CDC14A: variants seen among roughly 807,000 people sequenced by gnomAD.
CDC14A encodes the protein cell division cycle 14A.
A neutral mutation model predicts 74.4 loss-of-function variants in CDC14A; 53 were observed. The ratio of observed to expected loss-of-function variants is 0.71; its 90% CI spans 0.57 to 0.89. CDC14A has a LOEUF of 0.89. CDC14A is among the 40% of genes least tolerant of loss of function. CDC14A has a pLI of 0.00. For synonymous variants in CDC14A, 247 were observed against 258.4 expected (o/e 0.96, Z 0.43); for missense variants, 646 against 713.7 (o/e 0.91, Z 1.08).
At chr1:100,413,022 G>A (rs1002619848) in intron 4 of CDC14A, among the ~76,000 whole-genome samples, 1 of 150,930 alleles carries the variant, frequency 6.6e-6, no homozygotes, top group African/African-American at 2.4e-5. Context: ...GTGCCACTGC[G>A]CTCCAGCCTG....
At chr1:100,517,126 C>T (rs1404441753) in intron 15 of CDC14A, among the ~76,000 whole-genome samples, 1 of 152,214 alleles carries the variant, frequency 6.6e-6, no homozygotes, top group Non-Finnish European at 1.5e-5. Context: ...ACTGTGTTAA[C>T]AGGGACTTAC....
chr1:100,353,010 AGCAGCCGCCCC>A lies in CDC14A; in HGVS notation c.49+11_49+21del. ...GCTTGTGAGTTCATGAAAGGTGAGG[AGCAGCCGCCCC>A]GCATCTTCCAACGCTTTCTTGCCCC... On this transcript the variant is annotated splice_region_variant and intron_variant, in intron 1 of 15. Transcript: ENST00000336454. 1 of 1,613,992 alleles carries A rather than the reference AGCAGCCGCCCC, an allele frequency of 6.2e-7. No individual in the cohort carries two copies. Among genetic ancestry groups the A allele is most frequent in the Non-Finnish European group, 8.5e-7 (1 of 1,179,906 alleles).
intron 4 of CDC14A, chr1:100,391,195 G>A (rs1040799861): frequency 5.0e-5 from 13 of 259,370 alleles, no homozygotes; most frequent in Middle Eastern, 1.4e-3. Flanking sequence ...AAGACTTGAC[G>A]TGTTCGTTTT....
In CDC14A at chr1:100,502,635, A is replaced by G. The variant is rs1267990241; in HGVS notation, c.1755+3373A>G. Among the ~76,000 whole-genome samples the G allele has an allele frequency of 3.9e-5, 6 of 152,270 alleles. No homozygotes were observed. The East Asian group carries it at 9.6e-4, about 24-fold the overall frequency. ...CATACGTAAAGGTATTGTGTAATCC[A>G]CATTTATAGCTGAATGCCAGTAGCA... On this transcript the variant is annotated intron_variant, in intron 15 of 15. Transcript: ENST00000336454.
intron 7 of CDC14A, among the ~76,000 whole-genome samples, chr1:100,453,854 G>A (rs997835621): frequency 6.6e-6 from 1 of 152,104 alleles, no homozygotes; most frequent in African/African-American, 2.4e-5. Context: ...GTTGCCCTGG[G>A]TGGTCTTGCA....
intron 4 of CDC14A, among the ~76,000 whole-genome samples, chr1:100,417,693 C>T (rs1661711043): frequency 6.6e-6 from 1 of 152,178 alleles, no homozygotes; most frequent in South Asian, 2.1e-4. Flanking sequence ...TGCTTTCATA[C>T]AACTGGGCTG....
intron 7 of CDC14A, among the ~76,000 whole-genome samples, chr1:100,453,210 A>G (rs2101171563): frequency 6.6e-6 from 1 of 152,312 alleles, no homozygotes; most frequent in Middle Eastern, 3.4e-3. Flanking sequence ...AATGTATCTT[A>G]GGGATCCCCT....
chr1:100,356,927 G>T (rs1452591706), intron 2 of CDC14A, among the ~76,000 whole-genome samples: 3 of 151,648 alleles, frequency 2.0e-5, no homozygotes, highest in African/African-American at 4.9e-5. Context: ...TGGTGACAAT[G>T]GTGATGGAAA....
At chr1:100,422,147 G>C (rs1279343117) in intron 4 of CDC14A, among the ~76,000 whole-genome samples, 1 of 152,152 alleles carries the variant, frequency 6.6e-6, no homozygotes, top group Admixed American at 6.6e-5. Flanking sequence ...TAAAAACAAA[G>C]GGTCTCATCT....
chr1:100,382,524 C>T (rs1371540887), intron 3 of CDC14A, among the ~76,000 whole-genome samples: 1 of 151,540 alleles, frequency 6.6e-6, no homozygotes, highest in Non-Finnish European at 1.5e-5. Flanking sequence ...AGGCATGAGC[C>T]ACTGTGCTTG....
upstream of CDC14A, chr1:100,351,775 C>A (rs1335335487): frequency 6.4e-7 from 1 of 1,550,552 alleles, no homozygotes; most frequent in South Asian, 1.2e-5. Flanking sequence ...CTTTTTGTCC[C>A]GTGAGAACAA....
At position 100,473,862 on chromosome 1, in the gene CDC14A, C is replaced by T. The variant is rs564409443; in HGVS notation, c.977+5768C>T. ...TGTTTCCTTTTCTTCCCTTGTTGGA[C>T]AGGCTAAAACTTCCAGCGCTGTGAT... On this transcript the variant is annotated intron_variant, in intron 10 of 15. Coordinates refer to ENST00000336454, the MANE Select transcript of CDC14A (RefSeq NM_003672.4). Among the ~76,000 whole-genome samples the T allele has an allele frequency of 3.9e-5, 6 of 152,252 alleles. No homozygotes were observed. The South Asian group carries it at 1.2e-3, about 32-fold the overall frequency.
At chr1:100,499,600 C>A in intron 15 of CDC14A, 1 of 606,112 alleles carries the variant, frequency 1.6e-6, no homozygotes, top group Non-Finnish European at 2.6e-6. Context: ...TTTCCAATCA[C>A]TCTGAATATC....
chr1:100,420,063 C>CACACACACACACATATATATATATAT, intron 4 of CDC14A, among the ~76,000 whole-genome samples: 1 of 61,566 alleles, frequency 1.6e-5, no homozygotes, highest in African/African-American at 4.0e-5. Flanking sequence ...CACACACACA[C>CACACACACACACATATATATATATAT]ATATATATAT....
At chr1:100,419,112 G>A (rs1392984099) in intron 4 of CDC14A, among the ~76,000 whole-genome samples, 2 of 152,210 alleles carry the variant, frequency 1.3e-5, no homozygotes, top group African/African-American at 4.8e-5. Context: ...CTTGAGCCTT[G>A]GGGGTGGAGG....
intron 15 of CDC14A, among the ~76,000 whole-genome samples, chr1:100,501,395 A>G (rs1648709580): frequency 6.6e-6 from 1 of 152,188 alleles, no homozygotes; most frequent in South Asian, 2.1e-4. Context: ...GACCATGTAT[A>G]CAATGGTGGT....
At chr1:100,457,549 C>T (rs894609269) in intron 8 of CDC14A, among the ~76,000 whole-genome samples, 5 of 151,968 alleles carry the variant, frequency 3.3e-5, no homozygotes, top group Admixed American at 2.6e-4. Context: ...ACCTTGAACT[C>T]CTGTCCTCAA....
chr1:100,468,798 A>T (rs1233024483), intron 10 of CDC14A, among the ~76,000 whole-genome samples: 1 of 152,254 alleles, frequency 6.6e-6, no homozygotes, highest in Non-Finnish European at 1.5e-5. Context: ...TAATAAAACA[A>T]GAAGATGAAG....
intron 4 of CDC14A, among the ~76,000 whole-genome samples, chr1:100,400,806 A>G (rs1172279903): frequency 1.3e-5 from 2 of 152,182 alleles, no homozygotes; most frequent in African/African-American, 2.4e-5. Flanking sequence ...GGCGAGGAAA[A>G]TTAGCTGTTT....
Sources: allele counts gnomAD v4.1 joint callset (sites outside exome capture counted in the v4.1 genomes callset), GRCh38; gene constraint gnomAD v4.1.1; transcripts MANE v1.5; gene names NCBI Gene and HGNC (gene_info 2026-07-23, HGNC 2026-07-21).